Variants in CARS2 observed in about 807,000 individuals in gnomAD.
The protein encoded by CARS2 is cysteinyl-tRNA synthetase 2, mitochondrial.
In CARS2, 52 loss-of-function variants were observed where a neutral mutation model predicts 68.8. That is an observed-to-expected ratio of 0.76 (90% CI 0.61 to 0.95). The LOEUF (loss-of-function observed/expected upper bound fraction) is 0.95. Ranked by LOEUF, CARS2 falls within the 40% of genes least tolerant of loss-of-function variation. The pLI, the probability that CARS2 is intolerant of heterozygous loss-of-function variation, is 0.00. For synonymous variants in CARS2, 314 were observed against 303.6 expected (o/e 1.03, Z -0.36); for missense variants, 780 against 754.2 (o/e 1.03, Z -0.40).
chr13:110,681,027 C>T lies in CARS2; in HGVS notation c.655+2024G>A, dbSNP rs550091756. 9.2e-5 allele frequency among the ~76,000 whole-genome samples: 14 copies of T among 152,280 alleles called. No individual in the cohort carries two copies. In the South Asian group the frequency reaches 1.2e-3, roughly 14 times the overall value. The stretch of plus-strand genomic sequence containing the variant: ...TTGTCTCCTTCCACTAGGGGGTGAC[C>T]GCAGGGTCTCCACTGAACACAAATT... On this transcript the variant is annotated intron_variant, in intron 6 of 14. Coordinates refer to ENST00000257347, the MANE Select transcript of CARS2 (RefSeq NM_024537.4).
At position 110,670,022 on chromosome 13, in the gene CARS2, C is replaced by T. The variant is rs1466395188; in HGVS notation, c.786-2549G>A. Among the ~76,000 whole-genome samples the T allele has an allele frequency of 6.6e-6, 1 of 152,170 alleles. No individual in the cohort carries two copies. Among genetic ancestry groups the T allele is most frequent in the Non-Finnish European group, 1.5e-5 (1 of 68,032 alleles). On this transcript the variant is annotated intron_variant, in intron 7 of 14. Transcript: ENST00000257347. The surrounding 1 kb of genome is among the most constrained non-coding windows in gnomAD (Gnocchi z 4.1). ...AGCGAGGCTGGGGGAGGGGCATCTG[C>T]CATTGCTGAGGCTTGAGTAGGTAAA...
chr13:110,693,680 C>A (rs971139750), intron 3 of CARS2, among the ~76,000 whole-genome samples: 1 of 151,922 alleles, frequency 6.6e-6, no homozygotes, highest in African/African-American at 2.4e-5. Flanking sequence ...TTCTAAAAGT[C>A]AAACTGCTTG....
intron 3 of CARS2, chr13:110,697,974 G>C (rs1348721445): frequency 2.2e-6 from 1 of 455,920 alleles, no homozygotes; most frequent in Admixed American, 2.4e-5. Context: ...ATGCCTAAGA[G>C]ACAAGAGAAG....
At chr13:110,657,831 T>C (rs2062408564) in intron 9 of CARS2, among the ~76,000 whole-genome samples, 1 of 152,180 alleles carries the variant, frequency 6.6e-6, no homozygotes, top group Admixed American at 6.5e-5. Flanking sequence ...AGGGATCTGG[T>C]AGTCATTCCT....
rs1304720532 is a variant in CARS2, at chr13:110,647,194, A to G, written c.1100T>C (p.Leu367Pro). Residue 367 changes from leucine to proline, a missense_variant, in exon 11 of 15, where the codon CTC becomes CCC. Transcript: ENST00000257347. ...CTCCAGGAAAGAGCCCAGCCCCAGGAGCAGCTGCTGAGCTTGGAGCATGGC... is the reference window on the plus strand; with the variant it reads ...CTCCAGGAAAGAGCCCAGCCCCAGGGGCAGCTGCTGAGCTTGGAGCATGGC... Reference protein sequence around the residue: ...DSAMLQAQQLLLGLGSFLEDA... With the variant: ...DSAMLQAQQLPLGLGSFLEDA... 11 of 1,613,234 alleles carry G rather than the reference A, an allele frequency of 6.8e-6. No individual in the cohort carries two copies. Among genetic ancestry groups the G allele is most frequent in the Non-Finnish European group, 9.3e-6 (11 of 1,179,922 alleles).
intron 9 of CARS2, among the ~76,000 whole-genome samples, chr13:110,652,649 C>A (rs2062249082): frequency 6.6e-6 from 1 of 152,226 alleles, no homozygotes; most frequent in African/African-American, 2.4e-5. Context: ...CCCCACCCCA[C>A]AGCCCAACTC....
intron 6 of CARS2, among the ~76,000 whole-genome samples, chr13:110,681,660 A>T (rs1737008181): frequency 6.6e-6 from 1 of 152,198 alleles, no homozygotes. Context: ...ATAATTGCCA[A>T]AACTCAGAAG....
chr13:110,702,243 A>G (rs1446256299), intron 2 of CARS2, among the ~76,000 whole-genome samples: 1 of 152,146 alleles, frequency 6.6e-6, no homozygotes, highest in Non-Finnish European at 1.5e-5. Context: ...GTGTGGGGGA[A>G]TCCTAGCCAT....
At position 110,642,411 on chromosome 13, in the gene CARS2, C is replaced by T. The variant is rs776708099; in HGVS notation, c.1527G>A (p.Gly509=). 4 of 1,590,424 alleles carry T rather than the reference C, an allele frequency of 2.5e-6. No individual in the cohort carries two copies. Among genetic ancestry groups the T allele is most frequent in the South Asian group, 1.1e-5 (1 of 87,910 alleles). ...QFALAMPEAT[G]DARRQQLLER... The stretch of plus-strand genomic sequence containing the variant: ...CTAGGAGCTGCTGCCGCCGGGCGTC[C>T]CCCGTGGCCTCGGGCATGGCCAGCG... Residue 509 remains glycine (G), a synonymous_variant, in exon 14 of 15, where the codon GGG becomes GGA. Coordinates refer to ENST00000257347, the MANE Select transcript of CARS2 (RefSeq NM_024537.4).
intron 9 of CARS2, among the ~76,000 whole-genome samples, chr13:110,657,164 A>G (rs2062392529): frequency 6.6e-6 from 1 of 151,960 alleles, no homozygotes; most frequent in Non-Finnish European, 1.5e-5. Flanking sequence ...AAGAGAGGAA[A>G]ATAAAGAGCT....
At chr13:110,643,831 T>C (rs1887729317) in intron 13 of CARS2, 1 of 219,754 alleles carries the variant, frequency 4.6e-6, no homozygotes. Flanking sequence ...GACATTTTCA[T>C]AGGATCCAAG....
chr13:110,701,357 C>A, intron 3 of CARS2, 81 bp downstream of exon 3: 1 of 745,404 alleles, frequency 1.3e-6, no homozygotes, highest in Admixed American at 1.9e-5. Flanking sequence ...AGCTACCACG[C>A]CCGGCCAAGA....
At chr13:110,690,516 G>A (rs1212105879) in intron 3 of CARS2, among the ~76,000 whole-genome samples, 1 of 152,196 alleles carries the variant, frequency 6.6e-6, no homozygotes, top group Non-Finnish European at 1.5e-5. Context: ...GGTCCATCAT[G>A]CTGGACACAC....
chr13:110,694,666 G>C (rs2063569070), intron 3 of CARS2, among the ~76,000 whole-genome samples: 1 of 152,024 alleles, frequency 6.6e-6, no homozygotes, highest in Admixed American at 6.6e-5. Flanking sequence ...ATGTTACTAT[G>C]TGAATATATC....
chr13:110,698,222 C>T (rs1332426316), intron 3 of CARS2, among the ~76,000 whole-genome samples: 1 of 150,508 alleles, frequency 6.6e-6, no homozygotes, highest in African/African-American at 2.4e-5. Context: ...ATTTTTTTTT[C>T]AAAAAAAGAA....
intron 3 of CARS2, among the ~76,000 whole-genome samples, chr13:110,692,243 G>A (rs1323342410): frequency 6.6e-6 from 1 of 151,724 alleles, no homozygotes; most frequent in Non-Finnish European, 1.5e-5. Context: ...GCTGAGGTGG[G>A]TGGATCACCT....
At chr13:110,666,216 C>A in intron 8 of CARS2, 1 of 985,390 alleles carries the variant, frequency 1.0e-6, no homozygotes, top group Non-Finnish European at 1.2e-6. Context: ...AGCGTGCACC[C>A]CCTTCCCATG....
Position 110,642,533 on chromosome 13 carries a change from A to G in CARS2, c.1417-12T>C, listed in dbSNP as rs772850443. 11 of 1,608,874 alleles carry G rather than the reference A, an allele frequency of 6.8e-6. No homozygotes were observed. The highest frequency in any genetic ancestry group is 9.3e-6 in the Non-Finnish European group (11 of 1,177,986). ...TCTCCTGAAACGTACTGAAGCCAGC[A>G]GGGCGCGGTTACGTCCCCCGGAGAC... On this transcript the variant is annotated splice_polypyrimidine_tract_variant and intron_variant, in intron 13 of 14. Transcript: ENST00000257347.
chr13:110,651,126 A>G (rs1171116862), intron 9 of CARS2, 26 bp from the exon 10 acceptor site: 1 of 1,579,104 alleles, frequency 6.3e-7, no homozygotes, highest in Non-Finnish European at 8.7e-7. Context: ...ACAGGCAGTC[A>G]CGAGGCTTTG....
Sources: gnomAD v4.1 joint callset for allele counts (sites outside exome capture counted in the v4.1 genomes callset) on GRCh38, gnomAD v4.1.1 for gene constraint, Gnocchi (gnomAD v3.1) non-coding constraint, MANE v1.5 for transcripts, NCBI Gene and HGNC (gene_info 2026-07-23, HGNC 2026-07-21) for gene names.